TTC39C: variants seen among roughly 807,000 people sequenced by gnomAD.
The protein encoded by TTC39C is tetratricopeptide repeat domain 39C.
Under a neutral mutation model 76.3 loss-of-function variants are expected in TTC39C, and 33 were observed. The ratio of observed to expected loss-of-function variants is 0.43; its 90% CI spans 0.33 to 0.58. TTC39C has a LOEUF of 0.58. Ranked by LOEUF, TTC39C falls within the 20% of genes least tolerant of loss-of-function variation. The pLI is 0.04. For synonymous variants in TTC39C, 254 were observed against 260.6 expected (o/e 0.97, Z 0.24); for missense variants, 595 against 701.4 (o/e 0.85, Z 1.71).
chr18:24,012,960 T>G (rs1483529675), upstream of TTC39C: 4 of 152,156 alleles, frequency 2.6e-5, no homozygotes, highest in African/African-American at 9.6e-5. Flanking sequence ...CTCAGTGGGG[T>G]GCATAACCCT....
At chr18:24,110,781 G>A (rs1473527826) in intron 6 of TTC39C, among the ~76,000 whole-genome samples, 2 of 152,228 alleles carry the variant, frequency 1.3e-5, no homozygotes, top group African/African-American at 4.8e-5. Flanking sequence ...ATTTGGCAAA[G>A]GTTTGCGCTT....
At chr18:24,000,614 T>C (rs896649962) in intron 1 of TTC39C, 6 of 152,274 alleles carry the variant, frequency 3.9e-5, no homozygotes, top group African/African-American at 1.4e-4. Flanking sequence ...TTTGTTGAAC[T>C]TTTGCAGATT....
chr18:24,041,203 C>A (rs2083788435), intron 1 of TTC39C, among the ~76,000 whole-genome samples: 1 of 152,188 alleles, frequency 6.6e-6, no homozygotes, highest in Non-Finnish European at 1.5e-5. Flanking sequence ...GTGAGCCCAC[C>A]TACTTTCTGG....
intron 10 of TTC39C, among the ~76,000 whole-genome samples, chr18:24,127,622 TCCTC>T (rs2085067228): frequency 6.6e-6 from 1 of 152,084 alleles, no homozygotes; most frequent in African/African-American, 2.4e-5. Flanking sequence ...GCTCAAGCGA[TCCTC>T]CAACCTCAGC....
intron 6 of TTC39C, among the ~76,000 whole-genome samples, chr18:24,110,588 C>A (rs1465036069): frequency 6.6e-6 from 1 of 152,170 alleles, no homozygotes; most frequent in Non-Finnish European, 1.5e-5. Flanking sequence ...ATACCGGCAA[C>A]ACTCACTTAG....
At position 23,998,585 on chromosome 18, in the gene TTC39C, G is replaced by A. The variant is rs1268239426; in HGVS notation, c.-17+5547G>A. Among the ~76,000 whole-genome samples, 14 of 152,140 alleles carry A rather than the reference G, an allele frequency of 9.2e-5. No individual in the cohort carries two copies. In the East Asian group the frequency reaches 1.2e-3, roughly 13 times the overall value. The stretch of plus-strand genomic sequence containing the variant: ...AGATTGCACCACTGCACTCCAGCCC[G>A]GGTGACAGAGCAAGACTCTGTCTCA... On this transcript the variant is annotated intron_variant, in intron 1 of 13. Coordinates refer to the TTC39C transcript ENST00000304621.
intron 4 of TTC39C, among the ~76,000 whole-genome samples, chr18:24,071,048 C>A (rs2084234661): frequency 6.6e-6 from 1 of 152,032 alleles, no homozygotes; most frequent in Non-Finnish European, 1.5e-5. Flanking sequence ...CCTGCCTCAG[C>A]CTCCAGAGTA....
At chr18:24,117,824 G>T (rs535098281) in intron 7 of TTC39C, among the ~76,000 whole-genome samples, 30 of 152,258 alleles carry the variant, frequency 2.0e-4, no homozygotes, top group African/African-American at 7.2e-4. Flanking sequence ...TGCTGTGCTT[G>T]GGTTAGCCTC....
rs1337737990 is a variant in TTC39C, at chr18:24,131,884, T to C, written c.1626T>C (p.Thr542=). Residue 542 remains threonine (T), a splice_region_variant and synonymous_variant, in exon 13 of 14, where the codon ACT becomes ACC. Coordinates refer to ENST00000317571, the MANE Select transcript of TTC39C (RefSeq NM_001135993.2). ...GGGATAATGTGTTTTTCTTATAGAC[T>C]GTAGGAAGAGGCAGAGCTCTACTTC... is the stretch of plus-strand genomic sequence containing the variant. ...LGCLLLDKPE[T]VGRGRALLLQ... 4 of 1,612,174 alleles carry C rather than the reference T, an allele frequency of 2.5e-6. No homozygotes were observed. The highest frequency in any genetic ancestry group is 1.1e-5 in the South Asian group (1 of 90,516).
chr18:24,121,560 C>A (rs1226802347), intron 8 of TTC39C, among the ~76,000 whole-genome samples: 1 of 151,868 alleles, frequency 6.6e-6, no homozygotes, highest in African/African-American at 2.4e-5. Flanking sequence ...GCCTGGGCAA[C>A]AAGAGCAAAA....
chr18:24,061,087 A>G (rs1018019852), intron 1 of TTC39C, among the ~76,000 whole-genome samples: 33 of 152,228 alleles, frequency 2.2e-4, no homozygotes, highest in African/African-American at 7.7e-4. Context: ...ATAAAACAAG[A>G]TGTATAAAAG....
Position 24,083,091 on chromosome 18 carries a change from C to T in TTC39C, c.984+10C>T, listed in dbSNP as rs1398044451. 1.9e-6 allele frequency: 3 copies of T among 1,581,546 alleles called. No individual in the cohort carries two copies. Among genetic ancestry groups the T allele is most frequent in the Non-Finnish European group, 2.6e-6 (3 of 1,162,624 alleles). On this transcript the variant is annotated intron_variant, in intron 6 of 13. Coordinates refer to ENST00000317571, the MANE Select transcript of TTC39C (RefSeq NM_001135993.2). ...GATACAACGACTAGAGGTACTGTAC[C>T]TTCCTCATCTTTTTAAAATAAAGCC...
rs769375296 is a variant in TTC39C at position 24,118,192 on chromosome 18, G to A, written c.1146G>A (p.Glu382=). ...AFDSFERLKN[E]SRWSQCYYAY... is the part of the protein sequence containing the mutation. ...ATTCCTTTGAGAGGCTAAAAAATGAGTCCAGGTGGTCCCAGTGCTATTATG... is the reference window on the plus strand; with the variant it reads ...ATTCCTTTGAGAGGCTAAAAAATGAATCCAGGTGGTCCCAGTGCTATTATG... Residue 382 remains glutamate (E), a synonymous_variant, in exon 8 of 14, where the codon GAG becomes GAA. Coordinates refer to ENST00000317571, the MANE Select transcript of TTC39C (RefSeq NM_001135993.2). 1 of 1,613,968 alleles carries A rather than the reference G, an allele frequency of 6.2e-7. No homozygotes were observed. Among genetic ancestry groups the A allele is most frequent in the South Asian group, 1.1e-5 (1 of 91,048 alleles).
chr18:24,060,326 T>TTC (rs2084081384), intron 1 of TTC39C, among the ~76,000 whole-genome samples: 1 of 145,840 alleles, frequency 6.9e-6, no homozygotes, highest in Non-Finnish European at 1.5e-5. Flanking sequence ...TTTTTTTTTT[T>TTC]TTTTTTTTTG....
chr18:24,048,771 T>A (rs1471555241), intron 1 of TTC39C, among the ~76,000 whole-genome samples: 1 of 152,218 alleles, frequency 6.6e-6, no homozygotes, highest in Non-Finnish European at 1.5e-5. Flanking sequence ...GATTGCTGTT[T>A]TGAGGTTGTT....
At chr18:24,069,629 A>C (rs533326860) in intron 4 of TTC39C, among the ~76,000 whole-genome samples, 6 of 152,346 alleles carry the variant, frequency 3.9e-5, no homozygotes, top group South Asian at 2.1e-4. Context: ...TAAGGTTTTC[A>C]GGAAGTTGTT....
intron 1 of TTC39C, among the ~76,000 whole-genome samples, chr18:24,030,565 A>G (rs1228879369): frequency 6.6e-6 from 1 of 151,354 alleles, no homozygotes; most frequent in East Asian, 1.9e-4. Context: ...CAAGTTGGTC[A>G]TAGGTGCACG....
intron 1 of TTC39C, among the ~76,000 whole-genome samples, chr18:24,032,314 A>G (rs1174773356): frequency 1.3e-5 from 2 of 152,226 alleles, no homozygotes; most frequent in African/African-American, 4.8e-5. Flanking sequence ...TAGGATTAGG[A>G]CCAAAATCTG....
At chr18:24,118,891 A>G (rs2145816246) in intron 8 of TTC39C, among the ~76,000 whole-genome samples, 2 of 152,222 alleles carry the variant, frequency 1.3e-5, no homozygotes, top group South Asian at 4.1e-4. Flanking sequence ...CCTGGCCTCA[A>G]GTGATCCTCC....
Sources: allele counts gnomAD v4.1 joint callset (sites outside exome capture counted in the v4.1 genomes callset), GRCh38; gene constraint gnomAD v4.1.1; transcripts MANE v1.5; gene names NCBI Gene and HGNC (gene_info 2026-07-23, HGNC 2026-07-21).